RSRP1: variants seen among roughly 807,000 people sequenced by gnomAD.
The protein encoded by RSRP1 is arginine/serine-rich protein 1.
RSRP1 carries 37 observed loss-of-function variants against 33.0 expected under a neutral mutation model. The observed-to-expected ratio is 1.12, with a 90% CI of 0.86 to 1.48. The LOEUF (loss-of-function observed/expected upper bound fraction) is 1.48. Among genes scored for constraint, RSRP1 ranks in the 40% most tolerant of loss-of-function variants. RSRP1 has a pLI of 0.00. For missense variants in RSRP1, 402 were observed against 385.3 expected (o/e 1.04, Z -0.36); for synonymous variants, 167 against 158.7 (o/e 1.05, Z -0.40).
In RSRP1 at chr1:25,290,562, T is replaced by A. The variant is rs1471233116; in HGVS notation, c.-66-43533A>T. ...CAACAGTGTTTGTTGAAAGAATGAA[T>A]GAATGAATGAATGAATGAATGAATG... On this transcript the variant is annotated intron_variant, in intron 1 of 1. Coordinates refer to the RSRP1 transcript ENST00000561867. 11 of 1,085,674 alleles carry A rather than the reference T, an allele frequency of 1.0e-5. 1 individual carries two copies. The African/African-American group carries it at 1.5e-4, about 15-fold the overall frequency. 67.3% of individuals were successfully genotyped at this position (1,085,674 alleles called of 1,614,324 possible). A position where few individuals can be genotyped will look rare whatever the true frequency, so the allele number is the denominator to read the frequency against.
At chr1:25,302,166 G>A (rs1297681100) in intron 1 of RSRP1, among the ~76,000 whole-genome samples, 1 of 131,426 alleles carries the variant, frequency 7.6e-6, no homozygotes, top group East Asian at 1.9e-4. Context: ...TGTAAAGTGG[G>A]AATTAAGAGA....
intron 1 of RSRP1, among the ~76,000 whole-genome samples, chr1:25,321,603 G>A (rs11485914): frequency 1.6e-5 from 2 of 126,384 alleles, no homozygotes; most frequent in Non-Finnish European, 3.7e-5. Flanking sequence ...CTGGGAGGCA[G>A]AGGCTGCAGT....
At chr1:25,312,924 A>T (rs1644231007) in intron 1 of RSRP1, among the ~76,000 whole-genome samples, 1 of 66,496 alleles carries the variant, frequency 1.5e-5, no homozygotes, top group Non-Finnish European at 3.5e-5. Flanking sequence ...CATCTCTAAA[A>T]AAAAAAAAAA....
At chr1:25,309,582 A>G (rs573438045) in intron 1 of RSRP1, among the ~76,000 whole-genome samples, 2 of 132,458 alleles carry the variant, frequency 1.5e-5, no homozygotes, top group South Asian at 4.6e-4. Context: ...TTTTAATAGC[A>G]TCTCTGGAAT....
intron 1 of RSRP1, chr1:25,253,007 G>C (rs561119056): frequency 1.3e-5 from 2 of 152,262 alleles, no homozygotes; most frequent in African/African-American, 4.8e-5. Context: ...CTGAGCAAGT[G>C]CCCAGGGACA....
At chr1:25,324,762 G>A (rs146335967) in intron 1 of RSRP1, among the ~76,000 whole-genome samples, 1,766 of 148,798 alleles carry the variant, frequency 0.012, 35 homozygotes, top group Non-Finnish European at 0.02. Flanking sequence ...TAAGTATGTC[G>A]CCCAGGTGCG....
intron 1 of RSRP1, among the ~76,000 whole-genome samples, chr1:25,272,867 C>G (rs1415607297): frequency 7.6e-6 from 1 of 131,710 alleles, no homozygotes; most frequent in Non-Finnish European, 1.8e-5. Context: ...TGTAAGCTTT[C>G]CTTTAGAAGC....
rs1639488070 is a variant in RSRP1 at position 25,246,957 on chromosome 1, T to C, written c.7A>G (p.Asn3Asp). Reference protein sequence around the residue: MSNYVNDMWPGSP... With the variant: MSDYVNDMWPGSP... ...CCCGGCCACATGTCGTTCACGTAGT[T>C]GGACATCTTCACCTGCGGCTTTAGC... Residue 3 changes from asparagine to aspartate, a missense_variant, in exon 2 of 5, where the codon AAC becomes GAC. Asn to Asp is a conservative substitution (Grantham distance 23, BLOSUM62 1). Transcript: ENST00000243189. 6.3e-7 allele frequency: 1 copy of C among 1,574,926 alleles called. No individual in the cohort carries two copies. Among genetic ancestry groups the C allele is most frequent in the Non-Finnish European group, 8.6e-7 (1 of 1,156,790 alleles).
At chr1:25,307,947 C>T in intron 1 of RSRP1, 1 of 764,220 alleles carries the variant, frequency 1.3e-6, no homozygotes. Flanking sequence ...TTTCCTGTCT[C>T]TGGGCCTGAG....
chr1:25,301,449 C>T lies in RSRP1; in HGVS notation c.-67+36529G>A, dbSNP rs1489830108. ...ACTCTCCAGCCCTAGGATTCTCATC[C>T]AAAACCCCTCGAGGCTCAGACCTTT... On this transcript the variant is annotated intron_variant, in intron 1 of 1. Coordinates refer to the RSRP1 transcript ENST00000561867. 6.2e-6 allele frequency: 8 copies of T among 1,283,988 alleles called. 1 individual carries two copies. The highest frequency in any genetic ancestry group is 4.5e-5 in the East Asian group (2 of 44,490). 79.5% of individuals were successfully genotyped at this position (1,283,988 alleles called of 1,614,324 possible).
upstream of RSRP1, among the ~76,000 whole-genome samples, chr1:25,249,092 T>G (rs1639685249): frequency 6.6e-6 from 1 of 152,138 alleles, no homozygotes; most frequent in Non-Finnish European, 1.5e-5. Flanking sequence ...GAGGTTGCAG[T>G]GAGCTGAGAT....
intron 1 of RSRP1, among the ~76,000 whole-genome samples, chr1:25,285,300 G>T (rs1158072888): frequency 7.5e-6 from 1 of 133,704 alleles, no homozygotes; most frequent in East Asian, 1.9e-4. Flanking sequence ...GCGCCTGGCT[G>T]ATTTTGTATT....
intron 1 of RSRP1, chr1:25,330,369 T>G (rs552749796): frequency 7.5e-6 from 1 of 133,052 alleles, no homozygotes; most frequent in Admixed American, 7.3e-5. Flanking sequence ...CCAATTTTCT[T>G]TGAAAATTCT....
intron 1 of RSRP1, among the ~76,000 whole-genome samples, chr1:25,291,161 T>TAGACAGACAGACAGAC (rs377224052): frequency 1.5e-4 from 18 of 124,000 alleles, no homozygotes; most frequent in African/African-American, 5.3e-4. Context: ...GATAGATAGA[T>TAGACAGACAGACAGAC]AGACAGACAG....
rs1210622724 is a variant in RSRP1, at chr1:25,303,464, G to C, written c.-67+34514C>G. ...GGGGGAGCCAAGTACCTGCCGGTAA[G>C]AAACTAGACAACTAACCTCCTCTGC... On this transcript the variant is annotated intron_variant, in intron 1 of 1. Transcript: ENST00000561867. 5.8e-6 allele frequency: 8 copies of C among 1,379,056 alleles called. 2 individuals carry two copies. Among genetic ancestry groups the C allele is most frequent in the African/African-American group, 4.3e-5 (3 of 70,332 alleles). 85.4% of individuals were successfully genotyped at this position (1,379,056 alleles called of 1,614,324 possible).
Position 25,295,849 on chromosome 1 carries a change from AATTTTTTT to A in RSRP1, c.-67+42121_-67+42128del, listed in dbSNP as rs1457736581. Among the ~76,000 whole-genome samples, 97 of 33,730 alleles carry A rather than the reference AATTTTTTT, an allele frequency of 2.9e-3. 11 individuals are homozygous for A. The highest frequency in any genetic ancestry group is 5.5e-3 in the African/African-American group (95 of 17,220). The allele number at this position is 33,730 out of a possible 152,430, so 22.1% of individuals were successfully genotyped here. A position where few individuals can be genotyped will look rare whatever the true frequency, so the allele number is the denominator to read the frequency against. ...CAATGGTCTGGGAGGGAATATGGGAAATTTTTTTTTTTTTTTTTTTTTTTTTTTTTGAG... is the reference window on the plus strand; with the variant it reads ...CAATGGTCTGGGAGGGAATATGGGAATTTTTTTTTTTTTTTTTTTTTTGAG... On this transcript the variant is annotated intron_variant, in intron 1 of 1. Coordinates refer to the RSRP1 transcript ENST00000561867.
Position 25,274,791 on chromosome 1 carries a change from G to A in RSRP1, c.-66-27762C>T, listed in dbSNP as rs1405238241. On this transcript the variant is annotated intron_variant, in intron 1 of 1. Transcript: ENST00000561867. ...GGAGGCCAAGGCTGGAGAATCACCT[G>A]AGGTTAGGAGTTCGAGACCAGCCTG... 1.5e-5 allele frequency among the ~76,000 whole-genome samples: 2 copies of A among 133,898 alleles called. 1 individual carries two copies. Among genetic ancestry groups the A allele is most frequent in the Non-Finnish European group, 3.6e-5 (2 of 56,280 alleles). The allele number at this position is 133,898 out of a possible 152,430, so 87.8% of individuals were successfully genotyped here. A position where few individuals can be genotyped will look rare whatever the true frequency, so the allele number is the denominator to read the frequency against.
intron 1 of RSRP1, among the ~76,000 whole-genome samples, chr1:25,309,174 G>A (rs1644008811): frequency 7.6e-6 from 1 of 132,224 alleles, no homozygotes; most frequent in Admixed American, 7.3e-5. Flanking sequence ...ATGAGCATAT[G>A]TGATTGAGTC....
At chr1:25,253,461 A>C (rs1639853208) in intron 1 of RSRP1, 1 of 152,204 alleles carries the variant, frequency 6.6e-6, no homozygotes, top group South Asian at 2.1e-4. Flanking sequence ...TCCCGGGTTC[A>C]AGCGATTTTC....
Sources: gnomAD v4.1 joint callset for allele counts (sites outside exome capture counted in the v4.1 genomes callset) on GRCh38, gnomAD v4.1.1 for gene constraint, MANE v1.5 for transcripts, NCBI Gene and HGNC (gene_info 2026-07-23, HGNC 2026-07-21) for gene names.